Variants in DTNA observed in about 807,000 individuals in gnomAD.
DTNA encodes the protein dystrobrevin alpha.
DTNA carries 43 observed loss-of-function variants against 100.7 expected under a neutral mutation model. The ratio of observed to expected loss-of-function variants is 0.43; its 90% CI spans 0.33 to 0.55. The LOEUF is 0.55. Ranked by LOEUF, DTNA falls within the 20% of genes least tolerant of loss-of-function variation. The probability of loss-of-function intolerance (pLI) is 0.04; values close to 1 mark genes in which losing one functional copy is unlikely to be tolerated. For synonymous variants in DTNA, 349 were observed against 347.9 expected (o/e 1.00, Z -0.04); for missense variants, 798 against 953.9 (o/e 0.84, Z 2.15).
intron 1 of DTNA, among the ~76,000 whole-genome samples, chr18:34,515,374 C>T (rs2041498455): frequency 6.6e-6 from 1 of 152,046 alleles, no homozygotes; most frequent in African/African-American, 2.4e-5. Context: ...CCTACACAGA[C>T]CTTTCCTTGA....
At chr18:34,602,082 T>G (rs2051982645) in intron 1 of DTNA, among the ~76,000 whole-genome samples, 1 of 152,220 alleles carries the variant, frequency 6.6e-6, no homozygotes, top group Admixed American at 6.5e-5. Flanking sequence ...TATTATATAT[T>G]AGAAATACAT....
Position 34,779,774 on chromosome 18 carries a change from A to T in DTNA, c.148+13733A>T, listed in dbSNP as rs538485891. Among the ~76,000 whole-genome samples the T allele has an allele frequency of 8.5e-5, 13 of 152,320 alleles. No homozygotes were observed. The East Asian group carries it at 2.5e-3, about 29-fold the overall frequency. On this transcript the variant is annotated intron_variant, in intron 3 of 22. Transcript: ENST00000444659. ...TATCTTTGCATTTAAAAGGGAAAAAATTTAACTGGGGCAGCATAAGAAAAC... is the reference window on the plus strand; with the variant it reads ...TATCTTTGCATTTAAAAGGGAAAAATTTTAACTGGGGCAGCATAAGAAAAC...
At chr18:34,793,408 A>C (rs981400612) in intron 3 of DTNA, among the ~76,000 whole-genome samples, 1 of 152,194 alleles carries the variant, frequency 6.6e-6, no homozygotes, top group Non-Finnish European at 1.5e-5. Context: ...TGACCAGCCT[A>C]GTTCAGTGAT....
At chr18:34,755,153 G>C (rs2092688890) in intron 1 of DTNA, among the ~76,000 whole-genome samples, 1 of 152,174 alleles carries the variant, frequency 6.6e-6, no homozygotes, top group Admixed American at 6.5e-5. Context: ...GCAATAAAAA[G>C]TCAAATCCGT....
At chr18:34,625,150 T>C (rs1054789082) in intron 1 of DTNA, among the ~76,000 whole-genome samples, 13 of 152,170 alleles carry the variant, frequency 8.5e-5, no homozygotes, top group South Asian at 8.3e-4. Context: ...TTCCCCTGCC[T>C]CAGCCTCCTG....
chr18:34,824,520 T>C (rs1039048152), intron 9 of DTNA, among the ~76,000 whole-genome samples: 2 of 151,944 alleles, frequency 1.3e-5, no homozygotes, highest in African/African-American at 4.8e-5. Flanking sequence ...CATGTATACC[T>C]ACGTAACAAA....
chr18:34,526,320 A>C (rs1289058391), intron 1 of DTNA, among the ~76,000 whole-genome samples: 1 of 151,964 alleles, frequency 6.6e-6, no homozygotes. Flanking sequence ...AAAATAAAAC[A>C]CTCTTAGGAG....
chr18:34,653,534 C>G (rs905927602), intron 1 of DTNA, among the ~76,000 whole-genome samples: 2 of 151,672 alleles, frequency 1.3e-5, no homozygotes, highest in African/African-American at 4.8e-5. Flanking sequence ...TTAAAAATAC[C>G]ACTGAGGGTC....
chr18:34,853,211 C>G (rs376073234), intron 15 of DTNA, among the ~76,000 whole-genome samples: 7 of 152,072 alleles, frequency 4.6e-5, no homozygotes, highest in Non-Finnish European at 1.0e-4. Context: ...GGCAAAAAAA[C>G]GCAATTACGT....
intron 1 of DTNA, among the ~76,000 whole-genome samples, chr18:34,622,787 CAA>C (rs1248593228): frequency 6.6e-6 from 1 of 152,200 alleles, no homozygotes; most frequent in Admixed American, 6.5e-5. Context: ...TGGCCACAGA[CAA>C]GAGTTATACC....
At chr18:34,568,486 T>C (rs1222533948) in intron 1 of DTNA, among the ~76,000 whole-genome samples, 1 of 152,220 alleles carries the variant, frequency 6.6e-6, no homozygotes, top group Non-Finnish European at 1.5e-5. Flanking sequence ...TTTATCTCCA[T>C]ATTTTCTATC....
intron 3 of DTNA, among the ~76,000 whole-genome samples, chr18:34,775,243 T>G (rs984444611): frequency 9.9e-5 from 15 of 152,138 alleles, no homozygotes; most frequent in Non-Finnish European, 1.6e-4. Context: ...TCCCAGCACT[T>G]TGGGAGGCCG....
At chr18:34,605,603 C>T (rs2052889015) in intron 1 of DTNA, among the ~76,000 whole-genome samples, 1 of 149,620 alleles carries the variant, frequency 6.7e-6, no homozygotes, top group Non-Finnish European at 1.5e-5. Context: ...CAACAGATTT[C>T]TTATGCAAAC....
At chr18:34,803,343 A>C (rs1475287447) in intron 4 of DTNA, among the ~76,000 whole-genome samples, 6 of 151,800 alleles carry the variant, frequency 4.0e-5, no homozygotes, top group Non-Finnish European at 8.8e-5. Flanking sequence ...TGTTGGATCT[A>C]GTATCATCAA....
At chr18:34,721,067 G>A (rs1378898703) in intron 1 of DTNA, among the ~76,000 whole-genome samples, 2 of 152,090 alleles carry the variant, frequency 1.3e-5, no homozygotes, top group Non-Finnish European at 2.9e-5. Flanking sequence ...AATCCTAGGA[G>A]GTTGATGACA....
intron 19 of DTNA, among the ~76,000 whole-genome samples, chr18:34,878,798 A>G (rs1321460351): frequency 6.6e-6 from 1 of 152,180 alleles, no homozygotes. Flanking sequence ...CCAGTCACTA[A>G]TACATCTCCA....
chr18:34,762,644 C>A (rs2093251480), intron 2 of DTNA, among the ~76,000 whole-genome samples: 1 of 152,156 alleles, frequency 6.6e-6, no homozygotes, highest in Admixed American at 6.5e-5. Flanking sequence ...TATCTCAGCC[C>A]AGCTTCTTCT....
At chr18:34,501,175 G>T (rs566885574) in intron 1 of DTNA, among the ~76,000 whole-genome samples, 1 of 152,148 alleles carries the variant, frequency 6.6e-6, no homozygotes, top group Non-Finnish European at 1.5e-5. Context: ...TCACAAATAA[G>T]TATTGATTTT....
intron 1 of DTNA, among the ~76,000 whole-genome samples, chr18:34,695,205 A>G (rs554709875): frequency 2.0e-5 from 3 of 152,298 alleles, no homozygotes; most frequent in Non-Finnish European, 4.4e-5. Flanking sequence ...ATTAATAGGA[A>G]TTCTTCCATC....
Sources: allele counts gnomAD v4.1 joint callset (sites outside exome capture counted in the v4.1 genomes callset), GRCh38; gene constraint gnomAD v4.1.1; transcripts MANE v1.5; gene names NCBI Gene and HGNC (gene_info 2026-07-23, HGNC 2026-07-21).